Variants in DYNLT2 observed in about 807,000 individuals in gnomAD.
The protein encoded by DYNLT2 is dynein light chain Tctex-type protein 2.
A neutral mutation model predicts 24.3 loss-of-function variants in DYNLT2; 24 were observed. The ratio of observed to expected loss-of-function variants is 0.99; its 90% CI spans 0.71 to 1.39. DYNLT2 has a LOEUF of 1.39. Ranked by LOEUF, DYNLT2 falls within the 40% of genes most tolerant of loss-of-function variation. DYNLT2 has a pLI of 0.00. For missense variants in DYNLT2, 246 were observed against 234.5 expected, an observed-to-expected ratio of 1.05 and a Z score of -0.32; for synonymous variants, 85 against 85.4, an observed-to-expected ratio of 1.00 and a Z score of 0.03.
chr6:169,734,645 C>T, the DYNLT2 span, among the ~76,000 whole-genome samples: 3 of 152,164 alleles, frequency 2.0e-5, no homozygotes, highest in Non-Finnish European at 4.4e-5. Context: ...CCGACTTGAT[C>T]GTGGTAGATA....
chr6:169,735,416 G>A (rs1032607565), downstream of DYNLT2, among the ~76,000 whole-genome samples: 1 of 152,134 alleles, frequency 6.6e-6, no homozygotes, highest in African/African-American at 2.4e-5. Flanking sequence ...TCTGATGCAG[G>A]CATTTAGTGC....
At chr6:169,734,411 G>T in the DYNLT2 span, among the ~76,000 whole-genome samples, 1 of 152,124 alleles carries the variant, frequency 6.6e-6, no homozygotes, top group South Asian at 2.1e-4. Flanking sequence ...TATGATATTG[G>T]CTGTGGTTTT....
chr6:169,749,251 C>A (rs1159810563), intron 1 of DYNLT2, among the ~76,000 whole-genome samples: 1 of 152,174 alleles, frequency 6.6e-6, no homozygotes, highest in African/African-American at 2.4e-5. Flanking sequence ...CAGGTGCCTA[C>A]CACCAAGCCC....
At chr6:169,748,573 CTG>C (rs1461615359) in intron 1 of DYNLT2, among the ~76,000 whole-genome samples, 1 of 152,184 alleles carries the variant, frequency 6.6e-6, no homozygotes, top group Non-Finnish European at 1.5e-5. Flanking sequence ...TGTCAGGCTT[CTG>C]TGTCTCTTAA....
At chr6:169,725,520 C>G in the DYNLT2 span, 218 of 394,528 alleles carry the variant, frequency 5.5e-4, 1 homozygote, top group East Asian at 6.7e-3. Context: ...GTTCTTGCCT[C>G]TGTCCCACCA....
At chr6:169,729,584 T>C in the DYNLT2 span, among the ~76,000 whole-genome samples, 1 of 152,216 alleles carries the variant, frequency 6.6e-6, no homozygotes, top group East Asian at 1.9e-4. Context: ...GATTGTGATA[T>C]CTGCTATGGA....
Position 169,743,200 on chromosome 6 carries a change from G to C in DYNLT2, c.366C>G (p.Phe122Leu). 6.4e-7 allele frequency: 1 copy of C among 1,571,732 alleles called. No individual in the cohort carries two copies. The highest frequency in any genetic ancestry group is 1.2e-5 in the South Asian group (1 of 83,882). ...CTGCCAATTCAAGTGACAAGTGAGA[G>C]AATACTTTATCATCATATTTGACAT... is the stretch of plus-strand genomic sequence containing the variant. Reference protein sequence around the residue: ...LKDVKYDDKVFSHLSLELADR... With the variant: ...LKDVKYDDKVLSHLSLELADR... Residue 122 changes from phenylalanine (F) to leucine (L), a missense_variant, in exon 3 of 4, where the codon TTC becomes TTG. Transcript: ENST00000366774.
At chr6:169,725,646 G>GA in the DYNLT2 span, 36 of 211,946 alleles carry the variant, frequency 1.7e-4, no homozygotes, top group Admixed American at 2.4e-4. Flanking sequence ...TTTTTTTTAA[G>GA]AAAAAAAACA....
intron 3 of DYNLT2, among the ~76,000 whole-genome samples, chr6:169,741,292 A>C (rs1419348679): frequency 6.6e-6 from 1 of 151,964 alleles, no homozygotes; most frequent in African/African-American, 2.4e-5. Context: ...CTATGCTGAG[A>C]CCCCCATGTT....
chr6:169,731,429 G>T, the DYNLT2 span, among the ~76,000 whole-genome samples: 1 of 152,142 alleles, frequency 6.6e-6, no homozygotes, highest in Non-Finnish European at 1.5e-5. Context: ...TATGTGTAAG[G>T]TATGGAGATG....
intron 1 of DYNLT2, among the ~76,000 whole-genome samples, chr6:169,747,574 T>G (rs1371510711): frequency 6.6e-6 from 1 of 152,196 alleles, no homozygotes; most frequent in Non-Finnish European, 1.5e-5. Flanking sequence ...ATTTAGTGTA[T>G]TTTCATCCCT....
chr6:169,725,538 G>A, the DYNLT2 span: 20 of 391,656 alleles, frequency 5.1e-5, no homozygotes, highest in East Asian at 5.8e-4. Flanking sequence ...CCACGTGCAG[G>A]TGTAAGCTTC....
chr6:169,725,209 G>A, the DYNLT2 span: 6 of 398,718 alleles, frequency 1.5e-5, no homozygotes, highest in Non-Finnish European at 2.2e-5. Context: ...CGTACAGCTG[G>A]CCTCACGGAT....
intron 1 of DYNLT2, among the ~76,000 whole-genome samples, chr6:169,747,322 G>A (rs908785985): frequency 1.3e-5 from 2 of 151,976 alleles, no homozygotes; most frequent in East Asian, 3.9e-4. Context: ...AGTTCACTGA[G>A]CCTCTTAGAT....
chr6:169,741,494 G>A (rs1789678014), intron 3 of DYNLT2, among the ~76,000 whole-genome samples: 1 of 152,158 alleles, frequency 6.6e-6, no homozygotes, highest in Non-Finnish European at 1.5e-5. Context: ...GACCCAGGCT[G>A]AGCTGACTCA....
Position 169,748,816 on chromosome 6 carries a change from TA to T in DYNLT2, c.120+2522del, listed in dbSNP as rs1789872704. ...TGAAAATAACCATTAATGCTTCTAA[TA>T]TGCTGAAAATTTACATCTGTACCAT... On this transcript the variant is annotated intron_variant, in intron 1 of 3. Transcript: ENST00000366774. Among the ~76,000 whole-genome samples the T allele has an allele frequency of 3.3e-5, 5 of 152,346 alleles. No homozygotes were observed. The South Asian group carries it at 1.0e-3, about 32-fold the overall frequency.
chr6:169,751,349 T>G lies in DYNLT2; in HGVS notation c.110A>C (p.Glu37Ala). The change falls in exon 1 of 4, where the codon GAG becomes GCG. Residue 37 changes from glutamate (E) to alanine (A), a missense_variant. Physicochemically the swap from Glu to Ala is moderately radical, Grantham distance 107 (BLOSUM62 -1). Coordinates refer to ENST00000366774, the MANE Select transcript of DYNLT2 (RefSeq NM_174910.3). ...AGTCTCCGCACTCACTGCCTCCTTCTCGAACATGCTAGGCCTCCTTTCTTT... is the reference window on the plus strand; with the variant it reads ...AGTCTCCGCACTCACTGCCTCCTTCGCGAACATGCTAGGCCTCCTTTCTTT... ...PRKERRPSMF[E>A]KEAYTQILRE... 1 of 1,613,950 alleles carries G rather than the reference T, an allele frequency of 6.2e-7. No individual in the cohort carries two copies. Among genetic ancestry groups the G allele is most frequent in the Non-Finnish European group, 8.5e-7 (1 of 1,179,954 alleles).
chr6:169,727,866 T>G, the DYNLT2 span, among the ~76,000 whole-genome samples: 1 of 152,164 alleles, frequency 6.6e-6, no homozygotes, highest in Non-Finnish European at 1.5e-5. Context: ...CCCAGCCAAC[T>G]TGAAGGATTT....
rs1479395953 is a variant in DYNLT2 at position 169,747,605 on chromosome 6, CA to C, written c.121-3332del. On this transcript the variant is annotated intron_variant, in intron 1 of 3. Transcript: ENST00000366774. ...TCCCTGACATAGTATTTTTCATCTA[CA>C]GAAGTTCAATTTGAATTTAACATGC... Among the ~76,000 whole-genome samples the C allele has an allele frequency of 3.9e-5, 6 of 152,302 alleles. 1 individual carries two copies. The East Asian group carries it at 1.2e-3, about 29-fold the overall frequency.
Sources: gnomAD v4.1 joint callset for allele counts (sites outside exome capture counted in the v4.1 genomes callset) on GRCh38, gnomAD v4.1.1 for gene constraint, MANE v1.5 for transcripts, NCBI Gene and HGNC (gene_info 2026-07-23, HGNC 2026-07-21) for gene names.